The following GRM8 variants were observed in gnomAD, a reference collection of about 807,000 sequenced individuals.
GRM8 encodes metabotropic glutamate receptor 8.
In GRM8, 47 loss-of-function variants were observed where a neutral mutation model predicts 87.2. The ratio of observed to expected loss-of-function variants is 0.54; its 90% CI spans 0.43 to 0.69. The LOEUF (loss-of-function observed/expected upper bound fraction) is 0.69, where lower values mean the gene tolerates loss of function less well. GRM8 is among the 30% of genes least tolerant of loss of function. The pLI is 0.00. For synonymous variants in GRM8, 396 were observed against 404.5 expected, an observed-to-expected ratio of 0.98 and a Z score of 0.25; for missense variants, 1,019 against 1,139.2, an observed-to-expected ratio of 0.89 and a Z score of 1.52.
intron 1 of GRM8, among the ~76,000 whole-genome samples, chr7:127,244,237 G>A (rs1368796361): frequency 1.3e-5 from 2 of 152,130 alleles, no homozygotes; most frequent in Admixed American, 6.5e-5. Context: ...TGGGAGCAAT[G>A]GGTATATTAA....
chr7:126,954,632 G>A (rs1194365496), intron 3 of GRM8, among the ~76,000 whole-genome samples: 1 of 152,030 alleles, frequency 6.6e-6, no homozygotes, highest in Non-Finnish European at 1.5e-5. Flanking sequence ...CTTTCTAACT[G>A]TGCTACTGAA....
intron 7 of GRM8, among the ~76,000 whole-genome samples, chr7:126,616,005 C>T (rs1444032792): frequency 9.2e-5 from 14 of 152,240 alleles, no homozygotes; most frequent in South Asian, 2.1e-4. Flanking sequence ...GAATTGAACT[C>T]AGCTCTGCAC....
intron 2 of GRM8, among the ~76,000 whole-genome samples, chr7:127,135,407 T>C (rs1183210203): frequency 1.3e-5 from 2 of 152,034 alleles, no homozygotes; most frequent in East Asian, 1.9e-4. Context: ...TTGAAAATAA[T>C]AGAACTACAA....
chr7:126,986,476 C>T (rs912140245), intron 3 of GRM8, among the ~76,000 whole-genome samples: 1 of 152,072 alleles, frequency 6.6e-6, no homozygotes, highest in Non-Finnish European at 1.5e-5. Flanking sequence ...GTTACTAAAG[C>T]CCAAATTATT....
chr7:126,489,804 T>C (rs1807791485), intron 9 of GRM8, among the ~76,000 whole-genome samples: 2 of 152,038 alleles, frequency 1.3e-5, no homozygotes, highest in South Asian at 2.1e-4. Context: ...GAGATGAGCA[T>C]GCAAAGCAGT....
intron 3 of GRM8, among the ~76,000 whole-genome samples, chr7:127,085,464 T>A (rs1020120912): frequency 6.6e-6 from 1 of 152,224 alleles, no homozygotes; most frequent in Non-Finnish European, 1.5e-5. Flanking sequence ...CCACATCCTC[T>A]CCAGCATTTG....
At chr7:127,176,724 C>T (rs1393309125) in intron 2 of GRM8, among the ~76,000 whole-genome samples, 1 of 152,226 alleles carries the variant, frequency 6.6e-6, no homozygotes, top group Non-Finnish European at 1.5e-5. Flanking sequence ...CCCCCAGTAC[C>T]AGTCCAGACC....
intron 8 of GRM8, among the ~76,000 whole-genome samples, chr7:126,574,430 AG>A (rs142751369): frequency 0.024 from 3,705 of 152,302 alleles, 139 homozygotes; most frequent in African/African-American, 0.085. Context: ...CAGAGACTAA[AG>A]GGATATTAAA....
chr7:126,565,671 T>C (rs1310618403), intron 8 of GRM8, among the ~76,000 whole-genome samples: 7 of 146,158 alleles, frequency 4.8e-5, no homozygotes, highest in African/African-American at 1.5e-4. Context: ...AGAAATTTCA[T>C]AGAAGTAGAA....
chr7:126,569,374 G>A (rs1794505974), intron 8 of GRM8, among the ~76,000 whole-genome samples: 1 of 152,128 alleles, frequency 6.6e-6, no homozygotes, highest in Non-Finnish European at 1.5e-5. Context: ...ACCATGACAG[G>A]CTCCATGTAT....
rs1029609506 is a variant in GRM8, at chr7:126,760,274, A to G, written c.1357+9591T>C. On this transcript the variant is annotated intron_variant, in intron 7 of 10. Coordinates refer to ENST00000339582, the MANE Select transcript of GRM8 (RefSeq NM_000845.3). ...AAGCCCAACACAATGGATGAAGTTG[A>G]GTAGGACTCTAGGAAGAGCTAGAGT... is the stretch of plus-strand genomic sequence containing the variant. 5.3e-5 allele frequency among the ~76,000 whole-genome samples: 8 copies of G among 152,334 alleles called. No homozygotes were observed. In the South Asian group the frequency reaches 1.0e-3, roughly 20 times the overall value.
intron 2 of GRM8, among the ~76,000 whole-genome samples, chr7:127,117,579 T>C (rs1188250650): frequency 6.6e-6 from 1 of 152,238 alleles, no homozygotes; most frequent in Non-Finnish European, 1.5e-5. Context: ...AAGTTTTCTA[T>C]AAAGTGATTT....
intron 7 of GRM8, among the ~76,000 whole-genome samples, chr7:126,651,678 T>C (rs1803890579): frequency 6.6e-6 from 1 of 152,198 alleles, no homozygotes. Flanking sequence ...TTTGGGCTCC[T>C]CCTACCTTTA....
chr7:126,800,312 G>T (rs760530597), intron 6 of GRM8, among the ~76,000 whole-genome samples: 1 of 151,974 alleles, frequency 6.6e-6, no homozygotes, highest in Non-Finnish European at 1.5e-5. Flanking sequence ...TGCAGTCTAC[G>T]CTCCCTTCAG....
chr7:126,501,674 G>T (rs1339892078), intron 9 of GRM8, among the ~76,000 whole-genome samples: 1 of 152,008 alleles, frequency 6.6e-6, no homozygotes, highest in South Asian at 2.1e-4. Context: ...GGCCGGACAA[G>T]TTCTAGAGAC....
intron 9 of GRM8, among the ~76,000 whole-genome samples, chr7:126,454,222 TAG>T (rs1802964777): frequency 1.3e-5 from 2 of 151,774 alleles, no homozygotes; most frequent in African/African-American, 4.8e-5. Flanking sequence ...TCTATAGTTC[TAG>T]AAGCCAGGAA....
intron 6 of GRM8, among the ~76,000 whole-genome samples, chr7:126,817,180 G>A (rs1162121415): frequency 6.6e-6 from 1 of 151,200 alleles, no homozygotes; most frequent in African/African-American, 2.5e-5. Flanking sequence ...AAAAATGTAT[G>A]GTTACTAACT....
rs116309002 is a variant in GRM8 at position 127,114,446 on chromosome 7, A to C, written c.511-7734T>G. Among the ~76,000 whole-genome samples, 706 of 152,320 alleles carry C rather than the reference A, an allele frequency of 4.6e-3. 7 individuals are homozygous for C. The highest frequency in any genetic ancestry group is 0.016 in the African/African-American group (664 of 41,572). ...ACCTGCACAAAAGGGGCCTGTGGTT[A>C]GTTAACACAGCTGAGTGTAACACAG... On this transcript the variant is annotated intron_variant, in intron 2 of 10. Coordinates refer to ENST00000339582, the MANE Select transcript of GRM8 (RefSeq NM_000845.3).
chr7:127,241,508 A>T (rs1432517626), intron 2 of GRM8, among the ~76,000 whole-genome samples: 1 of 146,524 alleles, frequency 6.8e-6, no homozygotes, highest in East Asian at 2.0e-4. Context: ...ATCTCGGCTC[A>T]TCGCAACCTC....
Sources: gnomAD v4.1 joint callset for allele counts (sites outside exome capture counted in the v4.1 genomes callset) on GRCh38, gnomAD v4.1.1 for gene constraint, MANE v1.5 for transcripts, NCBI Gene and HGNC (gene_info 2026-07-23, HGNC 2026-07-21) for gene names.